Variants in TEX36 observed in about 807,000 individuals in gnomAD.
The protein encoded by TEX36 is testis expressed 36.
TEX36 carries 12 observed loss-of-function variants against 13.6 expected under a neutral mutation model. The ratio of observed to expected loss-of-function variants is 0.88; its 90% confidence interval spans 0.56 to 1.43. The LOEUF (loss-of-function observed/expected upper bound fraction) is 1.43. Among genes scored for constraint, TEX36 ranks in the 40% most tolerant of loss-of-function variants. The pLI is 0.00. For synonymous variants in TEX36, 93 were observed against 83.0 expected (o/e 1.12, Z -0.65); for missense variants, 224 against 228.3 (o/e 0.98, Z 0.12).
downstream of TEX36, among the ~76,000 whole-genome samples, chr10:125,617,380 C>G (rs575552145): frequency 4.6e-5 from 7 of 152,090 alleles, no homozygotes; most frequent in Non-Finnish European, 7.4e-5. Flanking sequence ...TCTTCGTGGT[C>G]TTGATGGTCT....
At position 125,631,461 on chromosome 10, in the gene TEX36, G is replaced by A. The variant is rs529013828; in HGVS notation, c.265-9816C>T. Among the ~76,000 whole-genome samples the A allele has an allele frequency of 2.6e-4, 40 of 152,300 alleles. 2 individuals are homozygous for A. Among genetic ancestry groups the A allele is most frequent in the Non-Finnish European group, 4.7e-4 (32 of 68,036 alleles). On this transcript the variant is annotated intron_variant, in intron 3 of 3. Transcript: ENST00000526819. ...GAACATTCTGTGTCATCGCCGGAATGAGAGAAAAGCGCATTTTCTGAATGT... is the reference window on the plus strand; with the variant it reads ...GAACATTCTGTGTCATCGCCGGAATAAGAGAAAAGCGCATTTTCTGAATGT...
At chr10:125,582,649 T>A (rs1168619515) in intron 3 of TEX36, among the ~76,000 whole-genome samples, 1 of 152,200 alleles carries the variant, frequency 6.6e-6, no homozygotes, top group Non-Finnish European at 1.5e-5. Context: ...AGGCACCAAT[T>A]CATCATTTGT....
chr10:125,629,167 G>T (rs990184321), intron 3 of TEX36, among the ~76,000 whole-genome samples: 2 of 152,190 alleles, frequency 1.3e-5, no homozygotes, highest in African/African-American at 4.8e-5. Context: ...CTGCAATTAA[G>T]CTGGGCTGCA....
At chr10:125,673,320 C>G (rs1284223502) in intron 1 of TEX36, among the ~76,000 whole-genome samples, 1 of 152,166 alleles carries the variant, frequency 6.6e-6, no homozygotes, top group Non-Finnish European at 1.5e-5. Context: ...GTGGCAAATT[C>G]CCTCAGCATT....
Position 125,683,034 on chromosome 10 carries a change from C to T in TEX36, c.-45G>A, listed in dbSNP as rs1471191538. 2.6e-6 allele frequency: 4 copies of T among 1,547,524 alleles called. No individual in the cohort carries two copies. Among genetic ancestry groups the T allele is most frequent in the Non-Finnish European group, 1.7e-6 (2 of 1,143,182 alleles). ...GTGGCTGAGATTGGCTCCCTCACCT[C>T]TCCATAAGCTCTACATGTCTGGGAA... is the stretch of plus-strand genomic sequence containing the variant. On this transcript the variant is annotated 5_prime_UTR_variant, in exon 1 of 4. Transcript: ENST00000368821.
At chr10:125,618,832 C>T (rs951016370), downstream of TEX36, among the ~76,000 whole-genome samples, 12 of 150,186 alleles carry the variant, frequency 8.0e-5, no homozygotes, top group African/African-American at 2.2e-4. Context: ...CTTGGCCAGG[C>T]GCGGTGGCTC....
At chr10:125,640,177 A>C (rs1336199093) in intron 3 of TEX36, 1 of 985,326 alleles carries the variant, frequency 1.0e-6, no homozygotes, top group Non-Finnish European at 1.2e-6. Flanking sequence ...GTGGAGTAGA[A>C]ATCATTGTTC....
Position 125,656,137 on chromosome 10 carries a change from A to T in TEX36, c.324T>A (p.Asn108Lys). The T allele has an allele frequency of 6.5e-7, 1 of 1,546,812 alleles. No individual in the cohort carries two copies. The highest frequency in any genetic ancestry group is 8.7e-7 in the Non-Finnish European group (1 of 1,145,646). The change falls in exon 4 of 4, where the codon AAT becomes AAA. Residue 108 changes from asparagine (N) to lysine (K), a missense_variant. Transcript: ENST00000368821. ...ATGGAACATAGTCACATGCCCAGAG[A>T]TTAAAATTTCTTGAAACATGTTGCC... ...DKRQHVSRNF[N>K]LWACDYVPSC...
chr10:125,659,999 A>G (rs988759728), intron 3 of TEX36, among the ~76,000 whole-genome samples: 18 of 152,244 alleles, frequency 1.2e-4, no homozygotes, highest in African/African-American at 4.1e-4. Flanking sequence ...GAGATGTTAC[A>G]TAAGTGTAAA....
chr10:125,601,550 C>A (rs1050935113), intron 3 of TEX36, among the ~76,000 whole-genome samples: 1 of 152,254 alleles, frequency 6.6e-6, no homozygotes, highest in Non-Finnish European at 1.5e-5. Flanking sequence ...AATCATGACA[C>A]TTGTTTCTGG....
At chr10:125,664,947 T>C (rs1368066339) in intron 1 of TEX36, among the ~76,000 whole-genome samples, 13 of 152,230 alleles carry the variant, frequency 8.5e-5, no homozygotes, top group Admixed American at 8.5e-4. Context: ...TAGCTTGGAT[T>C]TCCATTTATC....
At chr10:125,648,856 G>C (rs184255360) in intron 3 of TEX36, among the ~76,000 whole-genome samples, 1 of 152,160 alleles carries the variant, frequency 6.6e-6, no homozygotes, top group Admixed American at 6.5e-5. Flanking sequence ...ACTACATGAC[G>C]CATGCACAAG....
intron 3 of TEX36, among the ~76,000 whole-genome samples, chr10:125,626,138 G>A (rs772416770): frequency 6.6e-6 from 1 of 152,178 alleles, no homozygotes; most frequent in East Asian, 1.9e-4. Context: ...CCTGGGGTCA[G>A]CCAAGAAGCC....
At chr10:125,619,681 C>T (rs921088427), downstream of TEX36, among the ~76,000 whole-genome samples, 9 of 151,826 alleles carry the variant, frequency 5.9e-5, no homozygotes, top group African/African-American at 9.7e-5. Context: ...CTCAGCCTCC[C>T]GAGTATCTGG....
At chr10:125,603,338 G>C (rs1589750324) in intron 3 of TEX36, among the ~76,000 whole-genome samples, 1 of 152,248 alleles carries the variant, frequency 6.6e-6, no homozygotes, top group South Asian at 2.1e-4. Flanking sequence ...GGGGGTCCAG[G>C]GGTGGGGTGG....
At chr10:125,577,485 T>G (rs1318529172) in intron 3 of TEX36, among the ~76,000 whole-genome samples, 1 of 152,118 alleles carries the variant, frequency 6.6e-6, no homozygotes, top group East Asian at 1.9e-4. Flanking sequence ...GGGTACAGAG[T>G]GAGACTGTGT....
At chr10:125,593,102 G>A (rs760851647) in intron 3 of TEX36, among the ~76,000 whole-genome samples, 68 of 152,302 alleles carry the variant, frequency 4.5e-4, no homozygotes, top group Non-Finnish European at 6.0e-4. Context: ...TCCACTGAGG[G>A]TGGGAGGTGG....
chr10:125,621,911 G>A (rs532880485), intron 3 of TEX36, among the ~76,000 whole-genome samples: 5 of 152,236 alleles, frequency 3.3e-5, no homozygotes, highest in Admixed American at 1.3e-4. Context: ...CACCTGCTTC[G>A]TTCTAGCCGC....
At chr10:125,672,564 T>C (rs1847250045) in intron 1 of TEX36, among the ~76,000 whole-genome samples, 1 of 152,240 alleles carries the variant, frequency 6.6e-6, no homozygotes, top group Non-Finnish European at 1.5e-5. Context: ...GTGATCAGTT[T>C]CAGAGTAAAT....
Sources: allele counts gnomAD v4.1 joint callset (sites outside exome capture counted in the v4.1 genomes callset), GRCh38; gene constraint gnomAD v4.1.1; transcripts MANE v1.5; gene names NCBI Gene and HGNC (gene_info 2026-07-23, HGNC 2026-07-21).